The following ALPL variants were observed in gnomAD, a reference collection of about 807,000 sequenced individuals.
ALPL encodes alkaline phosphatase, tissue-nonspecific isozyme.
A neutral mutation model predicts 51.3 loss-of-function variants in ALPL; 42 were observed. That is an observed-to-expected ratio of 0.82 (90% CI 0.64 to 1.06). The LOEUF is 1.06. ALPL is among the 50% of genes least tolerant of loss of function. ALPL has a pLI of 0.00. For synonymous variants in ALPL, 279 were observed against 296.4 expected (o/e 0.94, Z 0.60); for missense variants, 589 against 709.4 (o/e 0.83, Z 1.93).
intron 11 of ALPL, 133 bp from the exon 12 acceptor site, chr1:21,577,250 C>A: frequency 7.0e-7 from 1 of 1,430,448 alleles, no homozygotes; most frequent in Middle Eastern, 2.1e-4. Context: ...AAATGACTTT[C>A]CCACATTGAG....
Position 21,564,987 on chromosome 1 carries a change from G to A in ALPL, c.648+771G>A, listed in dbSNP as rs933607706. On this transcript the variant is annotated intron_variant, in intron 6 of 11. Coordinates refer to ENST00000374840, the MANE Select transcript of ALPL (RefSeq NM_000478.6). This position sits in a 1 kb window ranked among gnomAD's most constrained non-coding sequence, Gnocchi z 5.8. The stretch of plus-strand genomic sequence containing the variant: ...GTTCTTAAGTGAGAATGCCCGGCTC[G>A]TTCCTTTTCAGGCTTTTATTGCCTA... Among the ~76,000 whole-genome samples the A allele has an allele frequency of 1.3e-5, 2 of 152,126 alleles. No homozygotes were observed. Among genetic ancestry groups the A allele is most frequent in the Non-Finnish European group, 2.9e-5 (2 of 68,028 alleles).
intron 1 of ALPL, among the ~76,000 whole-genome samples, chr1:21,548,947 C>G (rs369212997): frequency 1.3e-5 from 2 of 152,184 alleles, no homozygotes; most frequent in African/African-American, 4.8e-5. Context: ...GACCCCACCA[C>G]GCTGCTGTTT....
intron 1 of ALPL, among the ~76,000 whole-genome samples, chr1:21,533,872 G>A (rs560240370): frequency 3.3e-5 from 5 of 151,336 alleles, no homozygotes; most frequent in South Asian, 2.1e-4. Flanking sequence ...GCAGTGAGCC[G>A]AGATCGTGCC....
intron 7 of ALPL, among the ~76,000 whole-genome samples, chr1:21,568,800 T>G (rs1284314843): frequency 6.6e-6 from 1 of 151,370 alleles, no homozygotes; most frequent in African/African-American, 2.4e-5. Flanking sequence ...GGCTGGGGGA[T>G]GGAATAGATT....
intron 7 of ALPL, among the ~76,000 whole-genome samples, chr1:21,568,974 G>T (rs3767149): frequency 6.6e-6 from 1 of 152,028 alleles, no homozygotes; most frequent in Non-Finnish European, 1.5e-5. Context: ...ACTGTGGTCA[G>T]GGCTGAAGAC....
chr1:21,512,803 C>T (rs551110667), intron 1 of ALPL, among the ~76,000 whole-genome samples: 3 of 152,316 alleles, frequency 2.0e-5, no homozygotes, highest in Admixed American at 6.5e-5. Flanking sequence ...CTTAAATTCT[C>T]AGCCTCACTG....
intron 6 of ALPL, among the ~76,000 whole-genome samples, chr1:21,566,778 G>C (rs1644571132): frequency 6.6e-6 from 1 of 151,808 alleles, no homozygotes; most frequent in Admixed American, 6.6e-5. Context: ...AATTTTATTT[G>C]TATAGACAGG....
At chr1:21,527,752 G>T (rs1399470677) in intron 1 of ALPL, among the ~76,000 whole-genome samples, 1 of 151,902 alleles carries the variant, frequency 6.6e-6, no homozygotes, top group Non-Finnish European at 1.5e-5. Context: ...GTTTTACCTT[G>T]TTGGCTAGGC....
Position 21,533,935 on chromosome 1 carries a change from A to AAAGAAG in ALPL, c.-104-20020_-104-20015dup, listed in dbSNP as rs58697375. ...TAAAACTCTTGTCTCAAAAAAAAAA[A>AAAGAAG]AAGAAGAAGAAGAAGAAGAAGAAGA... On this transcript the variant is annotated intron_variant, in intron 1 of 11. Transcript: ENST00000374840. 2.8e-3 allele frequency among the ~76,000 whole-genome samples: 280 copies of AAAGAAG among 100,476 alleles called. 2 individuals are homozygous for AAAGAAG. The highest frequency in any genetic ancestry group is 0.018 in the East Asian group (26 of 1,418). The allele number at this position is 100,476 out of a possible 152,430, so 65.9% of individuals were successfully genotyped here.
intron 2 of ALPL, 54 bp from the exon 3 acceptor site, chr1:21,560,572 G>A (rs1184935628): frequency 1.0e-5 from 16 of 1,607,922 alleles, no homozygotes; most frequent in Non-Finnish European, 1.4e-5. Flanking sequence ...CTGTACGTCT[G>A]GAGATAGGAG....
At chr1:21,533,934 AAAAG>A (rs200126389) in intron 1 of ALPL, among the ~76,000 whole-genome samples, 58,519 of 130,950 alleles carry the variant, frequency 0.45, 12,462 homozygotes, top group East Asian at 0.82. Context: ...CAAAAAAAAA[AAAAG>A]AAGAAGAAGA....
intron 1 of ALPL, among the ~76,000 whole-genome samples, chr1:21,549,763 C>T (rs940932906): frequency 2.0e-5 from 3 of 152,104 alleles, no homozygotes; most frequent in East Asian, 1.9e-4. Flanking sequence ...GCACTTGGCT[C>T]GGTAGTATAT....
chr1:21,574,080 C>T (rs1644691902), intron 9 of ALPL: 2 of 985,448 alleles, frequency 2.0e-6, no homozygotes, highest in African/African-American at 1.7e-5. Context: ...TTCTTGGGGA[C>T]CTGGCCCTGA....
rs1477260389 is a variant in ALPL at position 21,575,794 on chromosome 1, G to A, written c.1059G>A (p.Val353=). The A allele has an allele frequency of 6.2e-7, 1 of 1,614,260 alleles. No homozygotes were observed. The highest frequency in any genetic ancestry group is 1.7e-5 in the Admixed American group (1 of 60,034). Residue 353 remains valine, a synonymous_variant, in exon 10 of 12, where the codon GTG becomes GTA. Transcript: ENST00000374840. ...CCAAGCAGGCCCTGCATGAGGCGGT[G>A]GAGATGGACCGGGCCATCGGGCAGG... The part of the protein sequence containing the change: ...GKAKQALHEA[V]EMDRAIGQAG...
intron 1 of ALPL, among the ~76,000 whole-genome samples, chr1:21,528,665 T>G (rs2148082518): frequency 6.6e-6 from 1 of 152,244 alleles, no homozygotes; most frequent in African/African-American, 2.4e-5. Flanking sequence ...ATTCAGTTTC[T>G]TAATGGTATG....
At chr1:21,569,757 A>G (rs1644619565) in intron 7 of ALPL, among the ~76,000 whole-genome samples, 1 of 152,282 alleles carries the variant, frequency 6.6e-6, no homozygotes, top group Admixed American at 6.5e-5. Flanking sequence ...TGCCCTCTCC[A>G]GGCCTGGCCT....
chr1:21,528,643 C>T (rs2148082455), intron 1 of ALPL, among the ~76,000 whole-genome samples: 1 of 152,096 alleles, frequency 6.6e-6, no homozygotes, highest in African/African-American at 2.4e-5. Flanking sequence ...AGCCTCCGCT[C>T]CCGGCCGACC....
Position 21,573,386 on chromosome 1 carries a change from G to A in ALPL, c.863-279G>A, listed in dbSNP as rs149494237. On this transcript the variant is annotated intron_variant, in intron 8 of 11. Coordinates refer to ENST00000374840, the MANE Select transcript of ALPL (RefSeq NM_000478.6). Reference sequence around the variant, plus strand: ...CGGGAGGCAGAGGTTGCAGGGAGCCGAGATCGCACCACTGCACTCCAGCCT... The same window carrying A: ...CGGGAGGCAGAGGTTGCAGGGAGCCAAGATCGCACCACTGCACTCCAGCCT... 0.013 allele frequency among the ~76,000 whole-genome samples: 1,897 copies of A among 149,652 alleles called. 37 individuals are homozygous for A. Among genetic ancestry groups the A allele is most frequent in the African/African-American group, 0.035 (1,411 of 40,616 alleles).
At chr1:21,551,717 T>C (rs1644323185) in intron 1 of ALPL, among the ~76,000 whole-genome samples, 1 of 121,326 alleles carries the variant, frequency 8.2e-6, no homozygotes, top group Admixed American at 9.5e-5. Context: ...GCAGCTTGCG[T>C]GGTTTTTTTT....
Sources: allele counts gnomAD v4.1 joint callset (sites outside exome capture counted in the v4.1 genomes callset), GRCh38; gene constraint gnomAD v4.1.1; non-coding constraint Gnocchi (gnomAD v3.1); transcripts MANE v1.5; gene names NCBI Gene and HGNC (gene_info 2026-07-23, HGNC 2026-07-21).